NFATC1: variants seen among roughly 807,000 people sequenced by gnomAD.
NFATC1 encodes the protein nuclear factor of activated T cells 1.
NFATC1 carries 22 observed loss-of-function variants against 76.0 expected under a neutral mutation model. The ratio of observed to expected loss-of-function variants is 0.29; its 90% CI spans 0.21 to 0.41. The LOEUF (loss-of-function observed/expected upper bound fraction) is 0.41, where lower values mean the gene tolerates loss of function less well. Among genes scored for constraint, NFATC1 ranks in the 10% least tolerant of loss-of-function variants. The probability of loss-of-function intolerance (pLI) is 1.00; values close to 1 mark genes in which losing one functional copy is unlikely to be tolerated. For missense variants in NFATC1, 1,357 were observed against 1,337.7 expected (o/e 1.01, Z -0.23); for synonymous variants, 704 against 613.1 (o/e 1.15, Z -2.19).
intron 6 of NFATC1, among the ~76,000 whole-genome samples, chr18:79,459,159 A>G (rs1445710936): frequency 6.6e-6 from 1 of 152,214 alleles, no homozygotes; most frequent in Non-Finnish European, 1.5e-5. Flanking sequence ...CCACCTGCGC[A>G]GGAATTGCAG....
intron 9 of NFATC1, among the ~76,000 whole-genome samples, chr18:79,511,327 G>A (rs1042823627): frequency 6.6e-6 from 1 of 152,114 alleles, no homozygotes; most frequent in Non-Finnish European, 1.5e-5. Flanking sequence ...CGCTGCTTCC[G>A]CGTTGGGAGT....
At chr18:79,441,178 G>A (rs1384331498) in intron 3 of NFATC1, among the ~76,000 whole-genome samples, 1 of 152,196 alleles carries the variant, frequency 6.6e-6, no homozygotes, top group Admixed American at 6.5e-5. Flanking sequence ...GAAATAGAAG[G>A]TTTCACCCGG....
At chr18:79,507,526 T>G (rs1210910246) in intron 9 of NFATC1, among the ~76,000 whole-genome samples, 1 of 152,196 alleles carries the variant, frequency 6.6e-6, no homozygotes, top group Non-Finnish European at 1.5e-5. Context: ...ACCCCTCAAG[T>G]GGATGGGTTT....
intron 9 of NFATC1, among the ~76,000 whole-genome samples, chr18:79,517,981 T>C (rs954553678): frequency 6.6e-6 from 1 of 152,242 alleles, no homozygotes; most frequent in African/African-American, 2.4e-5. Flanking sequence ...CTGAACCACA[T>C]TGTTTATTCT....
intron 1 of NFATC1, among the ~76,000 whole-genome samples, chr18:79,397,217 A>G (rs2850723): frequency 0.96 from 146,270 of 152,296 alleles, 70,509 homozygotes; most frequent in East Asian, 1. Context: ...AGGTGTGAGC[A>G]TACGAGTTAG....
intron 1 of NFATC1, among the ~76,000 whole-genome samples, chr18:79,405,346 G>T (rs888157416): frequency 2.6e-5 from 4 of 152,246 alleles, no homozygotes; most frequent in African/African-American, 9.6e-5. Flanking sequence ...CGGCAGCCAG[G>T]GAGTGGGGTC....
chr18:79,451,203 CT>C, intron 5 of NFATC1, 77 bp downstream of exon 5: 1 of 1,502,636 alleles, frequency 6.7e-7, no homozygotes, highest in Non-Finnish European at 9.0e-7. Flanking sequence ...CCGCTCTCAG[CT>C]TTTCGTTCGT....
intron 8 of NFATC1, among the ~76,000 whole-genome samples, chr18:79,484,743 A>G (rs1202631105): frequency 2.6e-5 from 4 of 152,190 alleles, no homozygotes; most frequent in Admixed American, 6.5e-5. Flanking sequence ...ACAGCTGGGA[A>G]CGGCCCATAT....
At chr18:79,507,102 G>A (rs982027951) in intron 9 of NFATC1, among the ~76,000 whole-genome samples, 3 of 152,222 alleles carry the variant, frequency 2.0e-5, no homozygotes, top group African/African-American at 7.2e-5. Flanking sequence ...GGAGCAGGAC[G>A]CTGTCGCCAG....
intron 8 of NFATC1, among the ~76,000 whole-genome samples, chr18:79,474,053 C>T (rs1290623117): frequency 2.1e-5 from 3 of 141,504 alleles, no homozygotes; most frequent in Middle Eastern, 4.8e-3. Context: ...CGCTCGCTGT[C>T]AACGTAAACC....
In NFATC1 at chr18:79,410,712, C is replaced by G; in HGVS notation, c.437C>G (p.Pro146Arg). The G allele has an allele frequency of 1.2e-6, 2 of 1,613,086 alleles. No individual in the cohort carries two copies. Among genetic ancestry groups the G allele is most frequent in the Non-Finnish European group, 1.7e-6 (2 of 1,180,002 alleles). The stretch of plus-strand genomic sequence containing the variant: ...GATGTGGAGGTGGAAGACGTCCTCC[C>G]TAGCTCCAAACGGTCCCCCTCCACG... ...FHDVEVEDVL[P>R]SSKRSPSTAT... The change falls in exon 2 of 10, where the codon CCT (proline) becomes CGT (arginine). Residue 146 changes from proline (P) to arginine (R), a missense_variant. This residue lies in a region of NFATC1 where 691 missense variants were observed against 613.1 expected (regional missense o/e 1.13). Coordinates refer to ENST00000427363, the MANE Select transcript of NFATC1 (RefSeq NM_001278669.2). The surrounding 1 kb of genome is among the most constrained non-coding windows in gnomAD (Gnocchi z 6.7).
chr18:79,431,432 C>T (rs1385705267), intron 2 of NFATC1, among the ~76,000 whole-genome samples: 1 of 151,902 alleles, frequency 6.6e-6, no homozygotes, highest in Admixed American at 6.6e-5. Context: ...GGCTCACTGC[C>T]ATCTCAACCT....
rs747453321 is a variant in NFATC1 at position 79,410,869 on chromosome 18, G to T, written c.594G>T (p.Ala198=). 1 of 1,609,414 alleles carries T rather than the reference G, an allele frequency of 6.2e-7. No individual in the cohort carries two copies. ...SYESNYSYPY[A]SPQTSPWQSP... is the part of the protein sequence containing the mutation. ...AGTCCAACTACTCGTACCCGTACGC[G>T]TCCCCCCAGACGTCGCCATGGCAGT... is the stretch of plus-strand genomic sequence containing the variant. Residue 198 remains alanine (A), a synonymous_variant, in exon 2 of 10, where the codon GCG becomes GCT. Coordinates refer to ENST00000427363, the MANE Select transcript of NFATC1 (RefSeq NM_001278669.2). This position sits in a 1 kb window ranked among gnomAD's most constrained non-coding sequence, Gnocchi z 6.7.
intron 3 of NFATC1, among the ~76,000 whole-genome samples, chr18:79,441,007 A>T (rs1328504422): frequency 1.3e-5 from 2 of 152,098 alleles, no homozygotes; most frequent in Non-Finnish European, 2.9e-5. Context: ...TCCCTCCTCC[A>T]GGCAGGACAC....
At chr18:79,396,735 G>A (rs1310730872) in intron 1 of NFATC1, among the ~76,000 whole-genome samples, 3 of 152,036 alleles carry the variant, frequency 2.0e-5, no homozygotes, top group Non-Finnish European at 4.4e-5. Context: ...AGGATGCCCC[G>A]TGTCTTCCTG....
chr18:79,508,402 G>A (rs1222278996), intron 9 of NFATC1, among the ~76,000 whole-genome samples: 1 of 152,226 alleles, frequency 6.6e-6, no homozygotes, highest in Non-Finnish European at 1.5e-5. Flanking sequence ...GGGTGAGGGG[G>A]CGCATGGGCA....
intron 1 of NFATC1, among the ~76,000 whole-genome samples, chr18:79,407,956 G>C (rs977791289): frequency 1.3e-5 from 2 of 151,654 alleles, no homozygotes; most frequent in Non-Finnish European, 2.9e-5. Context: ...GCTTCTGGTC[G>C]CACCTGTGAG....
chr18:79,443,915 G>C (rs2087088199), intron 3 of NFATC1, among the ~76,000 whole-genome samples: 1 of 152,212 alleles, frequency 6.6e-6, no homozygotes, highest in Admixed American at 6.5e-5. Flanking sequence ...CTGCCTGCCA[G>C]GGCTCATGAT....
intron 1 of NFATC1, among the ~76,000 whole-genome samples, chr18:79,399,162 G>A (rs2085099484): frequency 6.6e-6 from 1 of 152,262 alleles, no homozygotes; most frequent in Non-Finnish European, 1.5e-5. Context: ...GGCAAAAGCA[G>A]CAAAACTACA....
Sources: allele counts gnomAD v4.1 joint callset (sites outside exome capture counted in the v4.1 genomes callset), GRCh38; gene constraint gnomAD v4.1.1; regional missense constraint gnomAD v4.1.1; non-coding constraint Gnocchi (gnomAD v3.1); transcripts MANE v1.5; gene names NCBI Gene and HGNC (gene_info 2026-07-23, HGNC 2026-07-21).